CCDC171: variants seen among roughly 807,000 people sequenced by gnomAD.
The protein encoded by CCDC171 is coiled-coil domain-containing protein 171.
CCDC171 carries 177 observed loss-of-function variants against 168.2 expected under a neutral mutation model. The ratio of observed to expected loss-of-function variants is 1.05; its 90% CI spans 0.93 to 1.19. The LOEUF (loss-of-function observed/expected upper bound fraction) is 1.19, where lower values mean the gene tolerates loss of function less well. CCDC171 is among the 50% of genes most tolerant of loss of function. The pLI is 0.00. For synonymous variants in CCDC171, 687 were observed against 540.8 expected, an observed-to-expected ratio of 1.27 and a Z score of -3.75; for missense variants, 1,991 against 1,539.0, an observed-to-expected ratio of 1.29 and a Z score of -4.91.
intron 21 of CCDC171, among the ~76,000 whole-genome samples, chr9:15,840,741 G>A (rs546931202): frequency 6.6e-6 from 1 of 151,964 alleles, no homozygotes; most frequent in African/African-American, 2.4e-5. Flanking sequence ...ATATTTTCCA[G>A]TTGAGAGGGT....
chr9:16,019,879 G>A (rs1301900241), intron 3 of CCDC171, among the ~76,000 whole-genome samples: 2 of 152,154 alleles, frequency 1.3e-5, no homozygotes, highest in Non-Finnish European at 2.9e-5. Flanking sequence ...GGGCAGCAGG[G>A]AAGTTATCAA....
chr9:15,683,436 T>G (rs2050171827), intron 10 of CCDC171, among the ~76,000 whole-genome samples: 1 of 152,078 alleles, frequency 6.6e-6, no homozygotes. Context: ...TCAAAACTAA[T>G]GGGCTAATAA....
chr9:15,748,066 G>A (rs887274286), intron 18 of CCDC171, among the ~76,000 whole-genome samples: 3 of 152,122 alleles, frequency 2.0e-5, no homozygotes, highest in Admixed American at 6.5e-5. Context: ...TGACCATCAT[G>A]TTGAAGCTGC....
intron 7 of CCDC171, among the ~76,000 whole-genome samples, chr9:15,642,715 G>T (rs1373823696): frequency 1.3e-5 from 2 of 151,902 alleles, no homozygotes; most frequent in Non-Finnish European, 2.9e-5. Flanking sequence ...GTAATAATAA[G>T]CACCTTATAA....
intron 25 of CCDC171, among the ~76,000 whole-genome samples, chr9:15,948,511 T>C (rs1452956390): frequency 4.0e-5 from 6 of 151,022 alleles, no homozygotes; most frequent in African/African-American, 1.5e-4. Context: ...TTTTAATGAT[T>C]GCCATTCTAA....
intron 16 of CCDC171, among the ~76,000 whole-genome samples, chr9:15,731,194 C>A (rs2054128600): frequency 6.6e-6 from 1 of 152,156 alleles, no homozygotes; most frequent in Non-Finnish European, 1.5e-5. Context: ...TTATTGTACC[C>A]TTTAACCTAC....
Position 15,650,856 on chromosome 9 carries a change from T to G in CCDC171, c.823-6271T>G, listed in dbSNP as rs192359602. Among the ~76,000 whole-genome samples the G allele has an allele frequency of 1.4e-3, 209 of 152,264 alleles. 1 individual carries two copies. The highest frequency in any genetic ancestry group is 4.3e-3 in the African/African-American group (178 of 41,560). On this transcript the variant is annotated intron_variant, in intron 7 of 25. Transcript: ENST00000380701. ...TTGAACATTGATCATTTCTATGTGTTAGGAATATTTCAAGATCTCTCTTCC... is the reference window on the plus strand; with the variant it reads ...TTGAACATTGATCATTTCTATGTGTGAGGAATATTTCAAGATCTCTCTTCC...
At chr9:15,886,528 T>C (rs1297800669) in intron 24 of CCDC171, 1 of 152,158 alleles carries the variant, frequency 6.6e-6, no homozygotes, top group Non-Finnish European at 1.5e-5. Flanking sequence ...AAATGTAAAT[T>C]GGTATAGCTA....
chr9:15,700,239 G>A (rs565342697), intron 11 of CCDC171, among the ~76,000 whole-genome samples: 1 of 152,342 alleles, frequency 6.6e-6, no homozygotes, highest in South Asian at 2.1e-4. Context: ...CGGTGGGCTG[G>A]CACTGCTGGG....
At chr9:16,003,968 A>G (rs1327786484) in intron 3 of CCDC171, among the ~76,000 whole-genome samples, 2 of 152,220 alleles carry the variant, frequency 1.3e-5, no homozygotes, top group Non-Finnish European at 2.9e-5. Context: ...AGTAAGCACA[A>G]GCACCCCACA....
At chr9:15,683,757 TG>T (rs1337918127) in intron 10 of CCDC171, among the ~76,000 whole-genome samples, 3 of 152,030 alleles carry the variant, frequency 2.0e-5, no homozygotes, top group African/African-American at 7.2e-5. Flanking sequence ...ATTTTTCACC[TG>T]GGAAAAATAA....
rs764677502 is a variant in CCDC171 at position 15,971,750 on chromosome 9, A to G, written c.3895A>G (p.Thr1299Ala). ...YTFLKETFINTVPHALTSSHS... is the reference protein window; with the variant it reads ...YTFLKETFINAVPHALTSSHS... Reference sequence around the variant, plus strand: ...TTTCTTAAAGGAGACATTTATAAATACTGTGCCCCATGCTCTGACATCATC... The same window carrying G: ...TTTCTTAAAGGAGACATTTATAAATGCTGTGCCCCATGCTCTGACATCATC... Residue 1299 changes from threonine to alanine, a missense_variant, in exon 26 of 26, where the codon ACT (threonine) becomes GCT (alanine). By Grantham distance (58) the Thr-to-Ala change is moderately conservative. Coordinates refer to ENST00000380701, the MANE Select transcript of CCDC171 (RefSeq NM_173550.4). The G allele has an allele frequency of 6.2e-7, 1 of 1,614,018 alleles. No homozygotes were observed. The highest frequency in any genetic ancestry group is 1.1e-5 in the South Asian group (1 of 91,084).
the CCDC171 span, among the ~76,000 whole-genome samples, chr9:16,073,195 G>C: frequency 6.6e-6 from 1 of 152,184 alleles, no homozygotes; most frequent in African/African-American, 2.4e-5. Context: ...CGGATGAGTA[G>C]GACCAAGGTT....
chr9:15,930,156 G>C (rs1049083080), intron 25 of CCDC171, among the ~76,000 whole-genome samples: 1 of 151,500 alleles, frequency 6.6e-6, no homozygotes, highest in African/African-American at 2.4e-5. Context: ...TAATGAGAAG[G>C]TCACTCATTT....
chr9:15,827,987 C>T (rs1002665782), intron 21 of CCDC171, among the ~76,000 whole-genome samples: 1 of 152,030 alleles, frequency 6.6e-6, no homozygotes, highest in Non-Finnish European at 1.5e-5. Flanking sequence ...TCTTAGAAGT[C>T]TTCAATAGTA....
intron 3 of CCDC171, among the ~76,000 whole-genome samples, chr9:15,981,662 AT>A (rs1257010327): frequency 3.3e-5 from 5 of 152,202 alleles, no homozygotes; most frequent in African/African-American, 1.2e-4. Flanking sequence ...TACGCAGCTC[AT>A]TTTAAAGTAG....
rs567430354 is a variant in CCDC171 at position 15,629,545 on chromosome 9, G to C, written c.822+6132G>C. The stretch of plus-strand genomic sequence containing the variant: ...GACTATGTGAAAAGACCAAATCTAC[G>C]TCTGATGGGTGTACCTGAAAATGAC... On this transcript the variant is annotated intron_variant, in intron 7 of 25. Coordinates refer to ENST00000380701, the MANE Select transcript of CCDC171 (RefSeq NM_173550.4). Among the ~76,000 whole-genome samples, 3 of 152,266 alleles carry C rather than the reference G, an allele frequency of 2.0e-5. No individual in the cohort carries two copies. In the East Asian group the frequency reaches 5.8e-4, roughly 29 times the overall value.
chr9:15,696,831 C>A (rs979104606), intron 11 of CCDC171, among the ~76,000 whole-genome samples: 2 of 152,126 alleles, frequency 1.3e-5, no homozygotes, highest in Non-Finnish European at 2.9e-5. Context: ...TATTAACCAT[C>A]CTTTTTTATC....
chr9:15,725,071 A>C, intron 14 of CCDC171, 95 bp downstream of exon 14: 1 of 909,028 alleles, frequency 1.1e-6, no homozygotes, highest in Non-Finnish European at 1.7e-6. Context: ...TTAATTAAGA[A>C]AATTGTTCTG....
Sources: allele counts gnomAD v4.1 joint callset (sites outside exome capture counted in the v4.1 genomes callset), GRCh38; gene constraint gnomAD v4.1.1; transcripts MANE v1.5; gene names NCBI Gene and HGNC (gene_info 2026-07-23, HGNC 2026-07-21).